The following AFDN variants were observed in gnomAD, a reference collection of about 807,000 sequenced individuals.
AFDN encodes the protein afadin.
Under a neutral mutation model 216.6 loss-of-function variants are expected in AFDN, and 68 were observed. That is an observed-to-expected ratio of 0.31 (90% CI 0.26 to 0.38). The LOEUF is 0.38. Among genes scored for constraint, AFDN ranks in the 10% least tolerant of loss-of-function variants. AFDN has a pLI of 1.00. For synonymous variants in AFDN, 868 were observed against 853.7 expected, an observed-to-expected ratio of 1.02 and a Z score of -0.29; for missense variants, 2,136 against 2,342.0, an observed-to-expected ratio of 0.91 and a Z score of 1.82.
rs368954688 is a variant in AFDN, at chr6:167,918,238, A to G, written c.2710-497A>G. Among the ~76,000 whole-genome samples, 7 of 152,326 alleles carry G rather than the reference A, an allele frequency of 4.6e-5. No individual in the cohort carries two copies. The East Asian group carries it at 5.8e-4, about 13-fold the overall frequency. On this transcript the variant is annotated intron_variant, in intron 20 of 33. Transcript: ENST00000683244. ...GTGTCTAAATAAAAATCACCCATAAACCAATAATTTAGAAATAACCTCTAT... is the reference window on the plus strand; with the variant it reads ...GTGTCTAAATAAAAATCACCCATAAGCCAATAATTTAGAAATAACCTCTAT...
chr6:167,875,588 ATGG>A, intron 5 of AFDN, 93 bp downstream of exon 5: 3 of 1,315,630 alleles, frequency 2.3e-6, no homozygotes, highest in Non-Finnish European at 3.2e-6. Context: ...AACTAAAGCA[ATGG>A]GTGGTGTAAC....
At chr6:167,926,201 C>T (rs1792505499) in intron 23 of AFDN, among the ~76,000 whole-genome samples, 1 of 152,226 alleles carries the variant, frequency 6.6e-6, no homozygotes, top group African/African-American at 2.4e-5. Context: ...TAAAAGCTTT[C>T]ACCGAAGCTT....
chr6:167,868,285 C>T (rs1784413195), intron 2 of AFDN, among the ~76,000 whole-genome samples: 1 of 152,104 alleles, frequency 6.6e-6, no homozygotes, highest in African/African-American at 2.4e-5. Context: ...GTAGCATGTA[C>T]CTATAGTCAC....
At position 167,949,250 on chromosome 6, in the gene AFDN, G is replaced by A. The variant is rs186210933; in HGVS notation, c.3831+772G>A. On this transcript the variant is annotated intron_variant, in intron 29 of 33. Transcript: ENST00000683244. ...TAAAAATAGTTACAGTCTAGGATCTGTGACAAATACATGCCCTGGATCGCA... is the reference window on the plus strand; with the variant it reads ...TAAAAATAGTTACAGTCTAGGATCTATGACAAATACATGCCCTGGATCGCA... 3.3e-5 allele frequency among the ~76,000 whole-genome samples: 5 copies of A among 152,324 alleles called. 1 individual carries two copies. The East Asian group carries it at 9.6e-4, about 29-fold the overall frequency.
intron 6 of AFDN, among the ~76,000 whole-genome samples, chr6:167,887,403 T>C (rs1407737376): frequency 1.3e-5 from 2 of 151,642 alleles, no homozygotes; most frequent in Admixed American, 6.6e-5. Context: ...CAGGAGGTAA[T>C]TATTGTTTTA....
chr6:167,969,929 A>G lies in AFDN; in HGVS notation c.5490A>G (p.Thr1830=). The change falls in exon 34 of 34, where the codon ACA becomes ACG. Residue 1830 remains threonine, a synonymous_variant. Coordinates refer to ENST00000683244, the MANE Select transcript of AFDN (RefSeq NM_001386888.1). Reference sequence around the variant, plus strand: ...CAGAACTGGAGAATGAACTGAACACAAAGTGAAAGAAAATGAGGAGAACAC... The same window carrying G: ...CAGAACTGGAGAATGAACTGAACACGAAGTGAAAGAAAATGAGGAGAACAC... ...KLTELENELN[T]K 1.9e-6 allele frequency: 3 copies of G among 1,605,268 alleles called. No homozygotes were observed. The highest frequency in any genetic ancestry group is 2.5e-6 in the Non-Finnish European group (3 of 1,177,510).
At position 167,889,210 on chromosome 6, in the gene AFDN, T is replaced by C. The variant is rs767528279; in HGVS notation, c.898-5T>C. 4 of 1,609,972 alleles carry C rather than the reference T, an allele frequency of 2.5e-6. No homozygotes were observed. The highest frequency in any genetic ancestry group is 2.7e-5 in the African/African-American group (2 of 74,886). On this transcript the variant is annotated splice_polypyrimidine_tract_variant and splice_region_variant and intron_variant, in intron 6 of 33. Coordinates refer to ENST00000683244, the MANE Select transcript of AFDN (RefSeq NM_001386888.1). ...ATTCATAGTTAATTATTTTTGTTTTTTTAGGTTATGCTTCCTCCTGGAGCC... is the reference window on the plus strand; with the variant it reads ...ATTCATAGTTAATTATTTTTGTTTTCTTAGGTTATGCTTCCTCCTGGAGCC...
chr6:167,827,224 G>A lies in AFDN; in HGVS notation c.92G>A (p.Ser31Asn). 1 of 1,220,464 alleles carries A rather than the reference G, an allele frequency of 8.2e-7. No individual in the cohort carries two copies. Among genetic ancestry groups the A allele is most frequent in the Non-Finnish European group, 1.1e-6 (1 of 948,196 alleles). 75.6% of individuals were successfully genotyped at this position (1,220,464 alleles called of 1,614,324 possible). The change falls in exon 1 of 34, where the codon AGC (serine) becomes AAC (asparagine). Residue 31 changes from serine (S) to asparagine (N), a missense_variant. This residue lies in a region of AFDN where 81 missense variants were observed against 51.2 expected (regional missense o/e 1.58). Transcript: ENST00000683244. ...NANRLDLFEI[S>N]QPTEDLEFHG... is the part of the protein sequence containing the mutation. ...AACCGGCTGGACCTGTTCGAGATCA[G>A]CCAGCCGACCGAGGTGAGCACCGCC...
At chr6:167,876,460 A>C (rs971725850) in intron 5 of AFDN, among the ~76,000 whole-genome samples, 2 of 152,384 alleles carry the variant, frequency 1.3e-5, no homozygotes, top group African/African-American at 4.8e-5. Context: ...GGAGTCTGAA[A>C]GAAAATACAA....
chr6:167,880,324 T>A, intron 5 of AFDN, 36 bp from the exon 6 acceptor site: 2 of 1,597,854 alleles, frequency 1.3e-6, no homozygotes, highest in Non-Finnish European at 1.7e-6. Context: ...TGGCATAAAG[T>A]AAGTTGTACT....
chr6:167,850,010 A>G (rs571096889), intron 1 of AFDN, among the ~76,000 whole-genome samples: 1 of 152,242 alleles, frequency 6.6e-6, no homozygotes, highest in East Asian at 1.9e-4. Context: ...TGACATTCCA[A>G]TCTGCTGTAG....
At chr6:167,964,329 T>C in intron 31 of AFDN, 2 of 1,064,402 alleles carry the variant, frequency 1.9e-6, no homozygotes, top group Non-Finnish European at 2.3e-6. Flanking sequence ...AGAGGATATT[T>C]TGATTTCTTC....
rs78908136 is a variant in AFDN at position 167,940,278 on chromosome 6, G to T, written c.3100-2851G>T. On this transcript the variant is annotated intron_variant, in intron 23 of 33. Transcript: ENST00000683244. ...GTGGACAGACACAGAGGGATGTAGG[G>T]GTGAGGGTGGAAGCCATCCACAGGA... Among the ~76,000 whole-genome samples the T allele has an allele frequency of 2.8e-5, 4 of 142,332 alleles. No homozygotes were observed. The South Asian group carries it at 7.5e-4, about 27-fold the overall frequency. 93.4% of individuals were successfully genotyped at this position (142,332 alleles called of 152,430 possible).
rs546119995 is a variant in AFDN, at chr6:167,949,113, G to T, written c.3831+635G>T. 7.2e-5 allele frequency among the ~76,000 whole-genome samples: 11 copies of T among 152,346 alleles called. No individual in the cohort carries two copies. In the East Asian group the frequency reaches 2.1e-3, roughly 29 times the overall value. On this transcript the variant is annotated intron_variant, in intron 29 of 33. Coordinates refer to ENST00000683244, the MANE Select transcript of AFDN (RefSeq NM_001386888.1). Reference sequence around the variant, plus strand: ...GATTTTTGTCCACATTAGTAGACGGGTGATGCCAATCTGAGTAGTTAAGCT... The same window carrying T: ...GATTTTTGTCCACATTAGTAGACGGTTGATGCCAATCTGAGTAGTTAAGCT...
intron 30 of AFDN, among the ~76,000 whole-genome samples, chr6:167,958,008 G>C (rs1290822500): frequency 6.6e-6 from 1 of 152,192 alleles, no homozygotes; most frequent in East Asian, 1.9e-4. Context: ...GACTTTGCCA[G>C]TACATGTTGA....
chr6:167,848,887 A>G (rs757235710), intron 1 of AFDN, among the ~76,000 whole-genome samples: 3 of 152,148 alleles, frequency 2.0e-5, no homozygotes, highest in Non-Finnish European at 4.4e-5. Context: ...GTATTATTGT[A>G]TAGTACAATG....
At chr6:167,947,115 A>G (rs538977827) in intron 27 of AFDN, among the ~76,000 whole-genome samples, 1 of 152,362 alleles carries the variant, frequency 6.6e-6, no homozygotes, top group East Asian at 1.9e-4. Flanking sequence ...AAGCAAATAC[A>G]TTAATAACAT....
chr6:167,900,345 G>C (rs1788786861), intron 11 of AFDN, among the ~76,000 whole-genome samples: 1 of 152,180 alleles, frequency 6.6e-6, no homozygotes. Context: ...GATATTGATA[G>C]TTTGGGAATT....
Position 167,864,612 on chromosome 6 carries a change from C to T in AFDN, c.167C>T (p.Ala56Val). 1 of 1,614,130 alleles carries T rather than the reference C, an allele frequency of 6.2e-7. No individual in the cohort carries two copies. The highest frequency in any genetic ancestry group is 8.5e-7 in the Non-Finnish European group (1 of 1,180,018). The change falls in exon 2 of 34, where the codon GCA becomes GTA. Residue 56 changes from alanine to valine, a missense_variant. This residue lies in a region of AFDN where 817 missense variants were observed against 965.7 expected (regional missense o/e 0.85). Coordinates refer to ENST00000683244, the MANE Select transcript of AFDN (RefSeq NM_001386888.1). ...CAAGATAAAGCTGCTGGAAACTTTGCAACAAAATGTATTCGGGTCTCTAGT... is the reference window on the plus strand; with the variant it reads ...CAAGATAAAGCTGCTGGAAACTTTGTAACAAAATGTATTCGGGTCTCTAGT... ...YFQDKAAGNF[A>V]TKCIRVSSTA...
Sources: allele counts gnomAD v4.1 joint callset (sites outside exome capture counted in the v4.1 genomes callset), GRCh38; gene constraint gnomAD v4.1.1; regional missense constraint gnomAD v4.1.1; transcripts MANE v1.5; gene names NCBI Gene and HGNC (gene_info 2026-07-23, HGNC 2026-07-21).